RARB: variants seen among roughly 807,000 people sequenced by gnomAD.
The protein encoded by RARB is retinoic acid receptor beta, also known as HBV-activated protein.
A neutral mutation model predicts 51.9 loss-of-function variants in RARB; 17 were observed. That is an observed-to-expected ratio of 0.33 (90% CI 0.22 to 0.49). The LOEUF is 0.49. Among genes scored for constraint, RARB ranks in the 20% least tolerant of loss-of-function variants. The pLI, the probability that RARB is intolerant of heterozygous loss-of-function variation, is 0.99. For synonymous variants in RARB, 215 were observed against 195.4 expected, an observed-to-expected ratio of 1.10 and a Z score of -0.84; for missense variants, 369 against 550.8, an observed-to-expected ratio of 0.67 and a Z score of 3.30.
At chr3:24,948,366 A>G (rs1695819020) in intron 2 of RARB, among the ~76,000 whole-genome samples, 2 of 152,186 alleles carry the variant, frequency 1.3e-5, no homozygotes, top group Admixed American at 6.5e-5. Context: ...GCTAGGTAAC[A>G]TTGTTTTCTT....
At chr3:24,976,180 T>C (rs1054076697) in intron 2 of RARB, among the ~76,000 whole-genome samples, 1 of 152,186 alleles carries the variant, frequency 6.6e-6, no homozygotes, top group African/African-American at 2.4e-5. Context: ...TGATGGACAT[T>C]TGGGTTGGTT....
chr3:25,564,483 T>C (rs1268522669), intron 3 of RARB, among the ~76,000 whole-genome samples: 1 of 152,072 alleles, frequency 6.6e-6, no homozygotes, highest in Admixed American at 6.5e-5. Context: ...TGGAGAGCAG[T>C]TAGTGATTCC....
At chr3:25,467,574 T>TA (rs1575431669) in intron 2 of RARB, among the ~76,000 whole-genome samples, 2 of 148,056 alleles carry the variant, frequency 1.4e-5, no homozygotes, top group East Asian at 4.1e-4. Context: ...CCTCTGCTTG[T>TA]ATCACATTTG....
At chr3:24,856,547 T>G (rs1191754568) in intron 1 of RARB, among the ~76,000 whole-genome samples, 1 of 152,224 alleles carries the variant, frequency 6.6e-6, no homozygotes, top group Non-Finnish European at 1.5e-5. Context: ...CGTTGACTTA[T>G]GTCGTTATGC....
intron 2 of RARB, among the ~76,000 whole-genome samples, chr3:24,944,552 T>G (rs1419450264): frequency 6.6e-6 from 1 of 152,190 alleles, no homozygotes; most frequent in Non-Finnish European, 1.5e-5. Flanking sequence ...GTAATAGAGC[T>G]AGAATTTAAA....
At chr3:25,501,566 A>C (rs957942246) in intron 3 of RARB, among the ~76,000 whole-genome samples, 2 of 152,230 alleles carry the variant, frequency 1.3e-5, no homozygotes, top group African/African-American at 4.8e-5. Flanking sequence ...AGCAGTGGCT[A>C]ACTCACTGTG....
intron 5 of RARB, among the ~76,000 whole-genome samples, chr3:25,343,999 T>C (rs919206760): frequency 3.3e-5 from 5 of 152,194 alleles, no homozygotes; most frequent in African/African-American, 1.2e-4. Flanking sequence ...TCTAAATGTG[T>C]GGCATATCCA....
At chr3:25,132,588 G>A (rs1699970901) in intron 4 of RARB, among the ~76,000 whole-genome samples, 1 of 151,900 alleles carries the variant, frequency 6.6e-6, no homozygotes, top group Admixed American at 6.6e-5. Context: ...TTTTATGGAA[G>A]TAAAAGATGA....
intron 2 of RARB, among the ~76,000 whole-genome samples, chr3:25,000,135 A>G (rs1697128799): frequency 6.6e-6 from 1 of 152,086 alleles, no homozygotes; most frequent in African/African-American, 2.4e-5. Context: ...AAGGATGATG[A>G]CCAGTCAAAC....
chr3:24,884,675 C>A (rs147933117), intron 2 of RARB, among the ~76,000 whole-genome samples: 1,565 of 152,108 alleles, frequency 0.01, 13 homozygotes, highest in Middle Eastern at 0.031. Context: ...AGCTCTTTGA[C>A]GTTATTGAGA....
At chr3:25,220,051 A>G (rs868565831) in intron 5 of RARB, among the ~76,000 whole-genome samples, 3 of 152,246 alleles carry the variant, frequency 2.0e-5, no homozygotes, top group African/African-American at 7.2e-5. Flanking sequence ...TAAAGAATGC[A>G]TCTATATCAC....
chr3:25,309,976 T>C (rs1274593744), intron 5 of RARB, among the ~76,000 whole-genome samples: 4 of 152,238 alleles, frequency 2.6e-5, no homozygotes, highest in Non-Finnish European at 5.9e-5. Flanking sequence ...CGAAGGCTGC[T>C]CTACACATAT....
At chr3:25,241,181 C>T (rs1347433186) in intron 5 of RARB, among the ~76,000 whole-genome samples, 2 of 152,154 alleles carry the variant, frequency 1.3e-5, no homozygotes, top group African/African-American at 4.8e-5. Context: ...ATATAATGGG[C>T]ATTCTGGAAC....
chr3:25,054,246 GT>G (rs148848590), intron 2 of RARB, among the ~76,000 whole-genome samples: 14,136 of 152,196 alleles, frequency 0.093, 713 homozygotes, highest in African/African-American at 0.11. Context: ...TCATTCAGAT[GT>G]TTTTTTGACA....
intron 4 of RARB, among the ~76,000 whole-genome samples, chr3:25,573,127 T>A (rs1700776055): frequency 6.6e-6 from 1 of 152,068 alleles, no homozygotes; most frequent in African/African-American, 2.4e-5. Flanking sequence ...TCCCAGAGTT[T>A]CCCAACTAGA....
chr3:25,474,482 C>G (rs902140356), intron 2 of RARB, among the ~76,000 whole-genome samples: 1 of 151,948 alleles, frequency 6.6e-6, no homozygotes, highest in South Asian at 2.1e-4. Context: ...TTTTCAGTTT[C>G]CAGAGTCATC....
At chr3:25,020,545 T>C (rs1697613304) in intron 2 of RARB, 1 of 152,130 alleles carries the variant, frequency 6.6e-6, no homozygotes, top group African/African-American at 2.4e-5. Flanking sequence ...ATTCGTCTAA[T>C]ATATCCTTCC....
chr3:25,059,688 A>G (rs1231330465), intron 2 of RARB, among the ~76,000 whole-genome samples: 1 of 151,796 alleles, frequency 6.6e-6, no homozygotes, highest in African/African-American at 2.4e-5. Context: ...TGTTTACAAA[A>G]GCAAATGAAC....
intron 5 of RARB, among the ~76,000 whole-genome samples, chr3:25,363,392 G>A (rs1241042464): frequency 6.6e-6 from 1 of 152,072 alleles, no homozygotes; most frequent in Non-Finnish European, 1.5e-5. Context: ...GATATCTAAC[G>A]TAGCATGTCC....
Sources: allele counts gnomAD v4.1 joint callset (sites outside exome capture counted in the v4.1 genomes callset), GRCh38; gene constraint gnomAD v4.1.1; transcripts MANE v1.5; gene names NCBI Gene and HGNC (gene_info 2026-07-23, HGNC 2026-07-21).